The following MGAT4C variants were observed in gnomAD, a reference collection of about 807,000 sequenced individuals.
MGAT4C encodes the protein alpha-1,3-mannosyl-glycoprotein 4-beta-N-acetylglucosaminyltransferase C.
A neutral mutation model predicts 40.1 loss-of-function variants in MGAT4C; 19 were observed. The observed-to-expected ratio is 0.47, with a 90% CI of 0.33 to 0.70. The LOEUF is 0.70. MGAT4C is among the 30% of genes least tolerant of loss of function. The pLI is 0.02. For synonymous variants in MGAT4C, 181 were observed against 187.1 expected, an observed-to-expected ratio of 0.97 and a Z score of 0.27; for missense variants, 491 against 563.2, an observed-to-expected ratio of 0.87 and a Z score of 1.30.
intron 3 of MGAT4C, among the ~76,000 whole-genome samples, chr12:86,379,184 T>C (rs996136627): frequency 1.3e-5 from 2 of 152,104 alleles, no homozygotes; most frequent in Admixed American, 6.5e-5. Flanking sequence ...AAAAGTTACA[T>C]GAATAAATAC....
Position 86,064,038 on chromosome 12 carries a change from G to A in MGAT4C, c.-56-14315C>T, listed in dbSNP as rs112653781. 3.6e-3 allele frequency among the ~76,000 whole-genome samples: 543 copies of A among 152,220 alleles called. 3 individuals are homozygous for A. The highest frequency in any genetic ancestry group is 0.013 in the African/African-American group (520 of 41,508). On this transcript the variant is annotated intron_variant, in intron 1 of 4. Transcript: ENST00000611864. ...TATTCAGGACTTGAACTCAGCTCTG[G>A]ACCAAGCAGTGCTAATATACATCTA...
intron 2 of MGAT4C, among the ~76,000 whole-genome samples, chr12:86,516,603 GA>G (rs1296429109): frequency 2.0e-5 from 3 of 151,520 alleles, no homozygotes; most frequent in Non-Finnish European, 4.4e-5. Context: ...ACAATAAAAG[GA>G]AAAATAGACA....
At chr12:86,723,048 C>T (rs996098256) in intron 2 of MGAT4C, among the ~76,000 whole-genome samples, 1 of 152,154 alleles carries the variant, frequency 6.6e-6, no homozygotes, top group East Asian at 1.9e-4. Flanking sequence ...ATGTTCAAAT[C>T]TGTACAACTA....
intron 3 of MGAT4C, among the ~76,000 whole-genome samples, chr12:86,377,447 C>T (rs1955851142): frequency 6.6e-6 from 1 of 152,128 alleles, no homozygotes. Flanking sequence ...AGCAAGTAGT[C>T]TTTAACTCAA....
intron 4 of MGAT4C, among the ~76,000 whole-genome samples, chr12:86,333,491 G>T (rs1384465158): frequency 6.6e-6 from 1 of 152,108 alleles, no homozygotes; most frequent in Non-Finnish European, 1.5e-5. Flanking sequence ...GAACAAAACA[G>T]CAGGCTATCA....
rs1049934915 is a variant in MGAT4C, at chr12:85,969,396, T to A, written c.*9893A>T. The A allele has an allele frequency of 6.6e-6, 1 of 151,674 alleles. No individual in the cohort carries two copies. The highest frequency in any genetic ancestry group is 1.5e-5 in the Non-Finnish European group (1 of 67,666). 9.4% of individuals were successfully genotyped at this position (151,674 alleles called of 1,614,324 possible). A position where few individuals can be genotyped will look rare whatever the true frequency, so the allele number is the denominator to read the frequency against. ...ACTGTCTAACTACCAGTTTGGTATG[T>A]TTGGGGCTGGTGTTATGAAAGACTA... On this transcript the variant is annotated 3_prime_UTR_variant, in exon 5 of 5. Coordinates refer to ENST00000611864, the MANE Select transcript of MGAT4C (RefSeq NM_001351288.2).
intron 2 of MGAT4C, among the ~76,000 whole-genome samples, chr12:86,486,376 G>GCACACACA (rs59222713): frequency 2.3e-4 from 32 of 140,098 alleles, no homozygotes; most frequent in Admixed American, 2.9e-4. Flanking sequence ...GATCTATCAT[G>GCACACACA]CACACACACA....
intron 2 of MGAT4C, among the ~76,000 whole-genome samples, chr12:86,004,860 G>A (rs1408579275): frequency 1.3e-5 from 2 of 152,160 alleles, no homozygotes; most frequent in Non-Finnish European, 2.9e-5. Flanking sequence ...TGCAATTTAT[G>A]TAAACTGCTT....
At chr12:86,727,870 T>A (rs555868947) in intron 1 of MGAT4C, among the ~76,000 whole-genome samples, 2 of 152,016 alleles carry the variant, frequency 1.3e-5, no homozygotes, top group African/African-American at 4.8e-5. Context: ...TACACAAAAG[T>A]AGTGATATGA....
intron 2 of MGAT4C, among the ~76,000 whole-genome samples, chr12:86,541,859 C>T (rs1959169441): frequency 6.6e-6 from 1 of 152,102 alleles, no homozygotes; most frequent in Admixed American, 6.6e-5. Context: ...TACAGGCATG[C>T]CAAATAAATT....
At chr12:86,313,867 T>C (rs2136153039) in intron 4 of MGAT4C, among the ~76,000 whole-genome samples, 1 of 152,318 alleles carries the variant, frequency 6.6e-6, no homozygotes, top group South Asian at 2.1e-4. Context: ...AGAATTAGCA[T>C]CATGAAATGA....
chr12:86,770,018 T>C (rs1400662145), intron 1 of MGAT4C, among the ~76,000 whole-genome samples: 6 of 151,436 alleles, frequency 4.0e-5, no homozygotes, highest in Non-Finnish European at 7.4e-5. Flanking sequence ...ATAATAATAA[T>C]AAAATAAAAA....
intron 4 of MGAT4C, among the ~76,000 whole-genome samples, chr12:86,301,997 T>C (rs1953824406): frequency 7.1e-6 from 1 of 141,604 alleles, no homozygotes; most frequent in Non-Finnish European, 1.5e-5. Flanking sequence ...ATGTTCTGCA[T>C]TGCTGCAATA....
intron 2 of MGAT4C, among the ~76,000 whole-genome samples, chr12:86,659,739 GT>G (rs1963935797): frequency 6.6e-6 from 1 of 151,938 alleles, no homozygotes; most frequent in African/African-American, 2.4e-5. Context: ...GGAGGTTATG[GT>G]TCTGACTCCC....
At chr12:86,352,891 T>C (rs902311458) in intron 3 of MGAT4C, among the ~76,000 whole-genome samples, 16 of 151,290 alleles carry the variant, frequency 1.1e-4, no homozygotes, top group Admixed American at 4.0e-4. Flanking sequence ...GGGGGAGGGG[T>C]AGCATTAGGA....
At chr12:86,236,933 A>T (rs1347898679) in intron 1 of MGAT4C, among the ~76,000 whole-genome samples, 1 of 151,656 alleles carries the variant, frequency 6.6e-6, no homozygotes, top group African/African-American at 2.4e-5. Flanking sequence ...TAAAGGCTTT[A>T]TCTTGAACAA....
chr12:86,587,018 G>A (rs1242793145), intron 2 of MGAT4C, among the ~76,000 whole-genome samples: 3 of 152,030 alleles, frequency 2.0e-5, no homozygotes, highest in Non-Finnish European at 4.4e-5. Context: ...TAGTCATGAA[G>A]TCCTTGTCCA....
intron 3 of MGAT4C, among the ~76,000 whole-genome samples, chr12:86,410,635 C>T (rs1023977601): frequency 1.3e-5 from 2 of 151,962 alleles, no homozygotes; most frequent in African/African-American, 4.8e-5. Flanking sequence ...CCTGAGGTGA[C>T]GTACATTCTC....
At chr12:86,083,229 A>G (rs1871168430) in intron 1 of MGAT4C, among the ~76,000 whole-genome samples, 2 of 152,054 alleles carry the variant, frequency 1.3e-5, no homozygotes, top group Admixed American at 6.6e-5. Flanking sequence ...AGGGGCATTG[A>G]CTTACTCTAG....
Sources: gnomAD v4.1 joint callset for allele counts (sites outside exome capture counted in the v4.1 genomes callset) on GRCh38, gnomAD v4.1.1 for gene constraint, MANE v1.5 for transcripts, NCBI Gene and HGNC (gene_info 2026-07-23, HGNC 2026-07-21) for gene names.